CDH23: variants seen among roughly 807,000 people sequenced by gnomAD.
The protein encoded by CDH23 is cadherin related 23, also known as cadherin-23.
In CDH23, 189 loss-of-function variants were observed where a neutral mutation model predicts 317.1. That is an observed-to-expected ratio of 0.60 (90% confidence interval 0.53 to 0.67). CDH23 has a LOEUF of 0.67. CDH23 is among the 30% of genes least tolerant of loss of function. The probability of loss-of-function intolerance (pLI) is 0.00; values close to 1 mark genes in which losing one functional copy is unlikely to be tolerated. For missense variants in CDH23, 4,401 were observed against 4,592.4 expected, an observed-to-expected ratio of 0.96 and a Z score of 1.20; for synonymous variants, 1,839 against 1,876.8, an observed-to-expected ratio of 0.98 and a Z score of 0.52.
chr10:71,509,866 T>C (rs1403486442), intron 3 of CDH23: 1 of 575,598 alleles, frequency 1.7e-6, no homozygotes, highest in South Asian at 2.1e-5. Flanking sequence ...GGTTCCCTGA[T>C]ACCATCATGA....
At chr10:71,529,533 T>C (rs961984543) in intron 6 of CDH23, among the ~76,000 whole-genome samples, 3 of 152,146 alleles carry the variant, frequency 2.0e-5, no homozygotes, top group Non-Finnish European at 4.4e-5. Context: ...TTTGCACTCA[T>C]AGGGTAGGGT....
At chr10:71,430,741 A>T (rs1448092347) in intron 1 of CDH23, among the ~76,000 whole-genome samples, 2 of 152,078 alleles carry the variant, frequency 1.3e-5, no homozygotes, top group Non-Finnish European at 2.9e-5. Flanking sequence ...AATCACTTGA[A>T]CCTGGGAGGC....
chr10:71,785,839 C>T (rs1589420374), intron 44 of CDH23, 101 bp downstream of exon 44: 1 of 792,622 alleles, frequency 1.3e-6, no homozygotes, highest in East Asian at 2.7e-5. Context: ...GGCTTAGATG[C>T]ACAGGCTTTG....
intron 3 of CDH23, among the ~76,000 whole-genome samples, chr10:71,485,189 GC>G (rs1852284097): frequency 6.6e-6 from 1 of 151,910 alleles, no homozygotes; most frequent in African/African-American, 2.4e-5. Context: ...ACCATGCCCG[GC>G]TAATTTTTGT....
At chr10:71,458,778 T>C (rs989837731) in intron 3 of CDH23, among the ~76,000 whole-genome samples, 1 of 151,992 alleles carries the variant, frequency 6.6e-6, no homozygotes, top group Non-Finnish European at 1.5e-5. Flanking sequence ...AAAGTAAGGG[T>C]TTTTTGTTTT....
chr10:71,576,246 A>G (rs1005319214), intron 8 of CDH23, among the ~76,000 whole-genome samples: 1 of 152,194 alleles, frequency 6.6e-6, no homozygotes, highest in Non-Finnish European at 1.5e-5. Context: ...TGTCTGGGAC[A>G]TGCAATTGCC....
chr10:71,653,102 T>A (rs999814606), intron 14 of CDH23, among the ~76,000 whole-genome samples: 3 of 151,942 alleles, frequency 2.0e-5, no homozygotes, highest in Admixed American at 6.6e-5. Flanking sequence ...GGACTTCACT[T>A]CCCCCTCCTA....
In CDH23 at chr10:71,785,037, T is replaced by C; in HGVS notation, c.5649T>C (p.Asn1883=). Residue 1883 remains asparagine, a synonymous_variant, in exon 43 of 70, where the codon AAT becomes AAC. Transcript: ENST00000224721. ...VLASDADSGC[N]ARLTFNITAG... ...CCAGTGACGCTGACAGTGGCTGCAA[T>C]GCACGCCTCACCTTCAACATCACTG... 1 of 1,614,086 alleles carries C rather than the reference T, an allele frequency of 6.2e-7. No individual in the cohort carries two copies. The highest frequency in any genetic ancestry group is 8.5e-7 in the Non-Finnish European group (1 of 1,179,906).
At chr10:71,735,255 G>A (rs1333540886) in intron 34 of CDH23, among the ~76,000 whole-genome samples, 1 of 152,164 alleles carries the variant, frequency 6.6e-6, no homozygotes, top group African/African-American at 2.4e-5. Flanking sequence ...CGCTTAGGAA[G>A]GGGACCATGG....
rs117141070 is a variant in CDH23, at chr10:71,623,718, C to T, written c.1134+6325C>T. ...AGGTGTTTTCAGAAAGCTGGAGAACCCCCAGTTCCATGATCATAGAACCCT... is the reference window on the plus strand; with the variant it reads ...AGGTGTTTTCAGAAAGCTGGAGAACTCCCAGTTCCATGATCATAGAACCCT... On this transcript the variant is annotated intron_variant, in intron 11 of 69. Coordinates refer to ENST00000224721, the MANE Select transcript of CDH23 (RefSeq NM_022124.6). 2.5e-4 allele frequency among the ~76,000 whole-genome samples: 38 copies of T among 152,250 alleles called. No homozygotes were observed. In the East Asian group the frequency reaches 7.1e-3, roughly 29 times the overall value.
chr10:71,442,923 T>C (rs1849963565), intron 2 of CDH23, among the ~76,000 whole-genome samples: 1 of 152,124 alleles, frequency 6.6e-6, no homozygotes, highest in African/African-American at 2.4e-5. Context: ...GGCAGGGCTT[T>C]TTGTCCCCAT....
chr10:71,695,381 C>A, intron 21 of CDH23, 37 bp from the exon 22 acceptor site: 2 of 1,455,776 alleles, frequency 1.4e-6, no homozygotes, highest in Non-Finnish European at 1.9e-6. Context: ...CCCATCTCAG[C>A]TGGGTGTGTC....
intron 6 of CDH23, among the ~76,000 whole-genome samples, chr10:71,549,970 TTATC>T (rs1355173158): frequency 1.3e-5 from 2 of 151,960 alleles, no homozygotes; most frequent in Admixed American, 1.3e-4. Flanking sequence ...CCTGCTGGGT[TTATC>T]TAGCTATCCC....
chr10:71,536,999 G>A (rs561651892), intron 6 of CDH23, among the ~76,000 whole-genome samples: 48 of 152,272 alleles, frequency 3.2e-4, no homozygotes, highest in African/African-American at 1.1e-3. Context: ...TTGCGAGGCT[G>A]CTCTGAAAGG....
At chr10:71,579,692 C>T (rs1858491842) in intron 9 of CDH23, among the ~76,000 whole-genome samples, 1 of 152,086 alleles carries the variant, frequency 6.6e-6, no homozygotes, top group South Asian at 2.1e-4. Context: ...AACTGTTCTG[C>T]AGGAAGGCAG....
chr10:71,475,232 C>T (rs900617244), intron 3 of CDH23, among the ~76,000 whole-genome samples: 11 of 152,216 alleles, frequency 7.2e-5, no homozygotes, highest in Non-Finnish European at 1.0e-4. Context: ...CTCAGACACA[C>T]GACATCCGCA....
chr10:71,514,731 G>A (rs936431411), intron 6 of CDH23, among the ~76,000 whole-genome samples: 8 of 152,136 alleles, frequency 5.3e-5, no homozygotes, highest in Non-Finnish European at 7.4e-5. Context: ...AAGTCCTAAC[G>A]AGGCAGTGTA....
chr10:71,680,730 G>C (rs1243551868), intron 17 of CDH23, among the ~76,000 whole-genome samples: 2 of 106,290 alleles, frequency 1.9e-5, no homozygotes, highest in Non-Finnish European at 3.5e-5. Flanking sequence ...CCTGGTGACA[G>C]AGTGACACTC....
intron 11 of CDH23, among the ~76,000 whole-genome samples, chr10:71,619,479 G>A (rs895450336): frequency 2.6e-5 from 4 of 152,210 alleles, no homozygotes; most frequent in Admixed American, 2.6e-4. Flanking sequence ...GGAGATGACT[G>A]TATGAATGAG....
Sources: gnomAD v4.1 joint callset for allele counts (sites outside exome capture counted in the v4.1 genomes callset) on GRCh38, gnomAD v4.1.1 for gene constraint, MANE v1.5 for transcripts, NCBI Gene and HGNC (gene_info 2026-07-23, HGNC 2026-07-21) for gene names.